Variants in LRRC15 observed in about 807,000 individuals in gnomAD.
LRRC15 encodes the protein leucine-rich repeat-containing protein 15.
In LRRC15, 5 loss-of-function variants were observed where a neutral mutation model predicts 4.3. The ratio of observed to expected loss-of-function variants is 1.16; its 90% confidence interval spans 0.61 to 2.44. The LOEUF is 2.44. Ranked by LOEUF, LRRC15 falls within the 30% of genes most tolerant of loss-of-function variation. The pLI is 0.01. For synonymous variants in LRRC15, 337 were observed against 323.2 expected (o/e 1.04, Z -0.46); for missense variants, 769 against 747.0 (o/e 1.03, Z -0.34).
chr3:194,363,410 C>A, intron 1 of LRRC15: 1 of 692,950 alleles, frequency 1.4e-6, no homozygotes, highest in Admixed American at 2.3e-5. Context: ...GCTAGGGACA[C>A]ATCTGAAAAA....
Position 194,359,100 on chromosome 3 carries a change from C to T in LRRC15, c.*198G>A, listed in dbSNP as rs1213462807. ...GCCATGGCCAGTTGGATCTATCTTC[C>T]TGATTGTAGGAAGGTCCGGCACGAC... On this transcript the variant is annotated 3_prime_UTR_variant, in exon 2 of 2. Transcript: ENST00000347624. 9.6e-6 allele frequency: 5 copies of T among 520,238 alleles called. No individual in the cohort carries two copies. Among genetic ancestry groups the T allele is most frequent in the Admixed American group, 7.5e-5 (2 of 26,774 alleles). 32.2% of individuals were successfully genotyped at this position (520,238 alleles called of 1,614,324 possible).
chr3:194,363,432 T>A (rs1294804194), intron 1 of LRRC15: 12 of 680,818 alleles, frequency 1.8e-5, no homozygotes, highest in East Asian at 2.7e-5. Context: ...AGTAAAAACT[T>A]ATATAGACAA....
intron 1 of LRRC15, among the ~76,000 whole-genome samples, chr3:194,365,604 GC>G (rs1380795250): frequency 6.6e-6 from 1 of 152,122 alleles, no homozygotes; most frequent in African/African-American, 2.4e-5. Context: ...ACGTCCAAGG[GC>G]CCTTGGAGCT....
chr3:194,365,301 A>G (rs1713744316), intron 1 of LRRC15, among the ~76,000 whole-genome samples: 1 of 152,198 alleles, frequency 6.6e-6, no homozygotes, highest in Admixed American at 6.5e-5. Flanking sequence ...TGCACGAACC[A>G]GGGCTCTCGG....
rs75931901 is a variant in LRRC15 at position 194,359,930 on chromosome 3, G to A, written c.1114C>T (p.Leu372=). 1.6e-3 allele frequency: 2,594 copies of A among 1,614,154 alleles called. 37 individuals are homozygous for A. The African/African-American group carries it at 0.031, about 20-fold the overall frequency. ...RMLANLQNIS[L]QNNRLRQLPG... ...AGCTGTCTGAGGCGGTTGTTCTGCA[G>A]GGAGATGTTCTGCAGGTTGGCCAAC... The change falls in exon 2 of 2, where the codon CTG becomes TTG. Residue 372 remains leucine, a synonymous_variant. Transcript: ENST00000347624.
At position 194,359,460 on chromosome 3, in the gene LRRC15, G is replaced by A. The variant is rs115511298; in HGVS notation, c.1584C>T (p.Ser528=). The change falls in exon 2 of 2, where the codon AGC becomes AGT. Residue 528 remains serine, a synonymous_variant. Coordinates refer to ENST00000347624, the MANE Select transcript of LRRC15 (RefSeq NM_130830.5). ...TCTGGGCCTGGGTCATGCCCCAAACGCTGCGGTCATCAGTGACCTGAATGG... is the reference window on the plus strand; with the variant it reads ...TCTGGGCCTGGGTCATGCCCCAAACACTGCGGTCATCAGTGACCTGAATGG... ...LTTIQVTDDR[S]VWGMTQAQSG... The A allele has an allele frequency of 3.9e-4, 623 of 1,614,248 alleles. 4 individuals are homozygous for A. In the African/African-American group the frequency reaches 7.3e-3, roughly 19 times the overall value.
chr3:194,363,049 C>A (rs930975666), intron 1 of LRRC15, among the ~76,000 whole-genome samples: 3 of 149,156 alleles, frequency 2.0e-5, no homozygotes. Context: ...TCAAGGGATT[C>A]TCCTGCCTCA....
rs11715737 is a variant in LRRC15 at position 194,360,450 on chromosome 3, G to T, written c.594C>A (p.Asn198Lys). 17 of 1,613,976 alleles carry T rather than the reference G, an allele frequency of 1.1e-5. No individual in the cohort carries two copies. The South Asian group carries it at 1.8e-4, about 17-fold the overall frequency. The change falls in exon 2 of 2, where the codon AAC becomes AAA. Residue 198 changes from asparagine to lysine, a missense_variant. Transcript: ENST00000347624. Reference protein sequence around the residue: ...ISPRVFQHLGNLQVLRLYENR... With the variant: ...ISPRVFQHLGKLQVLRLYENR... ...TCTCATACAGCCGGAGGACCTGGAG[G>T]TTGCCCAGGTGCTGGAAGACCCTGG...
At chr3:194,364,774 C>G (rs150670844) in intron 1 of LRRC15, among the ~76,000 whole-genome samples, 100 of 152,398 alleles carry the variant, frequency 6.6e-4, no homozygotes, top group South Asian at 3.7e-3. Context: ...ATCCTCACAT[C>G]TGCAAAGCCC....
intron 1 of LRRC15, among the ~76,000 whole-genome samples, chr3:194,368,065 C>T (rs1235963349): frequency 2.6e-5 from 4 of 152,184 alleles, no homozygotes; most frequent in African/African-American, 4.8e-5. Flanking sequence ...CTCAGGCGGG[C>T]ACCTGGGATC....
rs772119726 is a variant in LRRC15 at position 194,359,584 on chromosome 3, G to A, written c.1460C>T (p.Thr487Ile). Residue 487 changes from threonine (T) to isoleucine (I), a missense_variant, in exon 2 of 2, where the codon ACA (threonine) becomes ATA (isoleucine). Transcript: ENST00000347624. ...HVPEVPSYPE[T>I]PWYPDTPSYP... is the part of the protein sequence containing the mutation. The stretch of plus-strand genomic sequence containing the variant: ...ACTGGGTGTGTCTGGGTACCATGGT[G>A]TTTCTGGGTAACTAGGCACCTCGGG... The A allele has an allele frequency of 1.3e-5, 21 of 1,613,766 alleles. No individual in the cohort carries two copies. The highest frequency in any genetic ancestry group is 2.2e-5 in the East Asian group (1 of 44,898).
In LRRC15 at chr3:194,360,296, G is replaced by T; in HGVS notation, c.748C>A (p.Leu250Ile). 1.2e-6 allele frequency: 2 copies of T among 1,614,186 alleles called. No homozygotes were observed. Among genetic ancestry groups the T allele is most frequent in the Non-Finnish European group, 8.5e-7 (1 of 1,180,030 alleles). The change falls in exon 2 of 2, where the codon CTC (leucine) becomes ATC (isoleucine). Residue 250 changes from leucine (L) to isoleucine (I), a missense_variant. Coordinates refer to ENST00000347624, the MANE Select transcript of LRRC15 (RefSeq NM_130830.5). ...LFHNNHNLQR[L>I]YLSNNHISQL... ...GAGATGTGGTTGTTGGACAGGTAGA[G>T]TCTCTGGAGGTTGTGGTTGTTGTGG...
At position 194,359,940 on chromosome 3, in the gene LRRC15, C is replaced by G; in HGVS notation, c.1104G>C (p.Gln368His). Reference sequence around the variant, plus strand: ...GGCGGTTGTTCTGCAGGGAGATGTTCTGCAGGTTGGCCAACATGCGGAAGA... The same window carrying G: ...GGCGGTTGTTCTGCAGGGAGATGTTGTGCAGGTTGGCCAACATGCGGAAGA... Reference protein sequence around the residue: ...GNVFRMLANLQNISLQNNRLR... With the variant: ...GNVFRMLANLHNISLQNNRLR... Residue 368 changes from glutamine (Q) to histidine (H), a missense_variant, in exon 2 of 2, where the codon CAG becomes CAC. Physicochemically the swap from Gln to His is conservative, Grantham distance 24 (BLOSUM62 0). Transcript: ENST00000347624. 6.2e-7 allele frequency: 1 copy of G among 1,614,230 alleles called. No homozygotes were observed. The highest frequency in any genetic ancestry group is 8.5e-7 in the Non-Finnish European group (1 of 1,180,046).
At chr3:194,366,411 G>T (rs1388060932) in intron 1 of LRRC15, among the ~76,000 whole-genome samples, 1 of 152,134 alleles carries the variant, frequency 6.6e-6, no homozygotes, top group South Asian at 2.1e-4. Flanking sequence ...GACTCCACCC[G>T]CAGAGATCCT....
chr3:194,363,917 C>A (rs1174508147), intron 1 of LRRC15, among the ~76,000 whole-genome samples: 1 of 152,190 alleles, frequency 6.6e-6, no homozygotes, highest in Non-Finnish European at 1.5e-5. Flanking sequence ...TCTACAATCA[C>A]TTTCCTAGCA....
In LRRC15 at chr3:194,360,838, T is replaced by C. The variant is rs559730140; in HGVS notation, c.206A>G (p.Asn69Ser). The C allele has an allele frequency of 1.3e-5, 21 of 1,613,840 alleles. No homozygotes were observed. Among genetic ancestry groups the C allele is most frequent in the Middle Eastern group, 1.7e-4 (1 of 6,060 alleles). The change falls in exon 2 of 2, where the codon AAT becomes AGT. Residue 69 changes from asparagine (N) to serine (S), a missense_variant. Asn to Ser is a conservative substitution (Grantham distance 46). Coordinates refer to ENST00000347624, the MANE Select transcript of LRRC15 (RefSeq NM_130830.5). The stretch of plus-strand genomic sequence containing the variant: ...TGAGATATTGAGGAACGGGGACTCA[T>C]TGAGTTCAGTGATGTGCGTGTTGAG... Reference protein sequence around the residue: ...QILNTHITELNESPFLNISAL... With the variant: ...QILNTHITELSESPFLNISAL...
At chr3:194,367,497 A>G (rs1484768767) in intron 1 of LRRC15, among the ~76,000 whole-genome samples, 4 of 152,064 alleles carry the variant, frequency 2.6e-5, no homozygotes, top group South Asian at 2.1e-4. Context: ...TAGTAGAGAC[A>G]GGGTTTCGTC....
chr3:194,367,142 G>A (rs1341652323), intron 1 of LRRC15, among the ~76,000 whole-genome samples: 1 of 152,126 alleles, frequency 6.6e-6, no homozygotes, highest in Non-Finnish European at 1.5e-5. Context: ...TCTGATGCTG[G>A]TGTTTGTTCA....
intron 1 of LRRC15, among the ~76,000 whole-genome samples, chr3:194,365,760 A>G (rs903330): frequency 0.41 from 62,495 of 152,000 alleles, 14,430 homozygotes; most frequent in African/African-American, 0.6. Context: ...TGAGGAACTC[A>G]TGCCCATCTT....
Sources: gnomAD v4.1 joint callset for allele counts (sites outside exome capture counted in the v4.1 genomes callset) on GRCh38, gnomAD v4.1.1 for gene constraint, MANE v1.5 for transcripts, NCBI Gene and HGNC (gene_info 2026-07-23, HGNC 2026-07-21) for gene names.